Variants in CPQ observed in about 807,000 individuals in gnomAD.
CPQ encodes carboxypeptidase Q, also known as Ser-Met dipeptidase.
In CPQ, 37 loss-of-function variants were observed where a neutral mutation model predicts 45.7. The observed-to-expected ratio is 0.81, with a 90% confidence interval of 0.62 to 1.07. CPQ has a LOEUF of 1.07. Ranked by LOEUF, CPQ falls within the 50% of genes least tolerant of loss-of-function variation. The pLI, the probability that CPQ is intolerant of heterozygous loss-of-function variation, is 0.00. For missense variants in CPQ, 537 were observed against 572.9 expected, an observed-to-expected ratio of 0.94 and a Z score of 0.64; for synonymous variants, 186 against 205.8, an observed-to-expected ratio of 0.90 and a Z score of 0.82.
At chr8:96,956,125 T>C (rs2130346289) in intron 4 of CPQ, among the ~76,000 whole-genome samples, 1 of 152,324 alleles carries the variant, frequency 6.6e-6, no homozygotes, top group Middle Eastern at 3.4e-3. Flanking sequence ...AATCTACTTA[T>C]CTGACAAAGG....
intron 3 of CPQ, among the ~76,000 whole-genome samples, chr8:96,862,958 C>A (rs991134872): frequency 1.3e-5 from 2 of 152,050 alleles, no homozygotes; most frequent in African/African-American, 4.8e-5. Context: ...GATGAACTGG[C>A]AGGAGACTGA....
chr8:97,094,381 G>A (rs1456540141), intron 7 of CPQ, among the ~76,000 whole-genome samples: 1 of 152,094 alleles, frequency 6.6e-6, no homozygotes, highest in East Asian at 1.9e-4. Flanking sequence ...AACAGTTCAT[G>A]GCATGAGTTT....
intron 3 of CPQ, among the ~76,000 whole-genome samples, chr8:96,869,924 A>G (rs1179040364): frequency 6.6e-6 from 1 of 152,086 alleles, no homozygotes. Context: ...AAAATTCAAT[A>G]AACATCTTCA....
intron 1 of CPQ, among the ~76,000 whole-genome samples, chr8:96,673,065 G>C (rs1809028035): frequency 6.6e-6 from 1 of 152,118 alleles, no homozygotes; most frequent in South Asian, 2.1e-4. Flanking sequence ...CAGCAAAGAG[G>C]CTAGAGTGAC....
intron 1 of CPQ, among the ~76,000 whole-genome samples, chr8:96,704,286 A>C (rs1482332957): frequency 2.0e-5 from 3 of 152,276 alleles, no homozygotes; most frequent in African/African-American, 4.8e-5. Context: ...CTCATGACAA[A>C]TGTAGCTCTA....
chr8:96,855,092 C>A (rs900953638), intron 3 of CPQ, among the ~76,000 whole-genome samples: 1 of 152,110 alleles, frequency 6.6e-6, no homozygotes, highest in South Asian at 2.1e-4. Flanking sequence ...GAGGGTCAGC[C>A]TTTTTGTTCT....
At chr8:97,043,818 C>G (rs1349445605) in intron 6 of CPQ, among the ~76,000 whole-genome samples, 3 of 152,206 alleles carry the variant, frequency 2.0e-5, no homozygotes, top group East Asian at 3.8e-4. Flanking sequence ...GGCCCCCACT[C>G]TCTTCTGGCT....
At chr8:96,802,039 G>A (rs191569825) in intron 2 of CPQ, among the ~76,000 whole-genome samples, 95 of 152,088 alleles carry the variant, frequency 6.2e-4, no homozygotes, top group Non-Finnish European at 1.2e-3. Context: ...GCTTCTCTCT[G>A]TGTGTCTTTT....
Position 96,914,281 on chromosome 8 carries a change from G to T in CPQ, c.849+34276G>T, listed in dbSNP as rs554997248. 1.2e-4 allele frequency among the ~76,000 whole-genome samples: 19 copies of T among 152,074 alleles called. 1 individual carries two copies. The South Asian group carries it at 3.9e-3, about 32-fold the overall frequency. ...GGTGGTTACTACAAGCTAAATATGAGAAAAAAACAGTTTTGATTCATTCCT... is the reference window on the plus strand; with the variant it reads ...GGTGGTTACTACAAGCTAAATATGATAAAAAAACAGTTTTGATTCATTCCT... On this transcript the variant is annotated intron_variant, in intron 4 of 7. Transcript: ENST00000220763.
chr8:96,743,119 G>T (rs1810120038), intron 1 of CPQ, among the ~76,000 whole-genome samples: 1 of 152,158 alleles, frequency 6.6e-6, no homozygotes, highest in Non-Finnish European at 1.5e-5. Context: ...ACACCAATCA[G>T]ACGTAGATTT....
At chr8:96,950,568 T>A (rs1210768612) in intron 4 of CPQ, among the ~76,000 whole-genome samples, 1 of 152,148 alleles carries the variant, frequency 6.6e-6, no homozygotes, top group Non-Finnish European at 1.5e-5. Context: ...TTTCAAACTA[T>A]GCACCCTATC....
chr8:96,672,018 G>A (rs1224613248), intron 1 of CPQ, among the ~76,000 whole-genome samples: 1 of 152,126 alleles, frequency 6.6e-6, no homozygotes, highest in Non-Finnish European at 1.5e-5. Flanking sequence ...AAATAGATAA[G>A]TATTTCTCCT....
At chr8:97,011,691 T>C (rs1297683002) in intron 5 of CPQ, among the ~76,000 whole-genome samples, 2 of 152,228 alleles carry the variant, frequency 1.3e-5, no homozygotes, top group Non-Finnish European at 2.9e-5. Flanking sequence ...GATGACAATA[T>C]TACTTGCTTT....
intron 1 of CPQ, among the ~76,000 whole-genome samples, chr8:96,771,829 A>C (rs557085700): frequency 6.6e-6 from 1 of 151,990 alleles, no homozygotes; most frequent in Non-Finnish European, 1.5e-5. Context: ...TTCAGGTATC[A>C]CCTCCTATAT....
intron 4 of CPQ, among the ~76,000 whole-genome samples, chr8:96,920,083 CT>C (rs1476062408): frequency 1.3e-5 from 2 of 152,130 alleles, no homozygotes; most frequent in East Asian, 1.9e-4. Context: ...ATGTGGTAAG[CT>C]TTCAATAAGT....
In CPQ at chr8:96,750,947, C is replaced by G. The variant is rs575414958; in HGVS notation, c.-34-33917C>G. On this transcript the variant is annotated intron_variant, in intron 1 of 7. Coordinates refer to ENST00000220763, the MANE Select transcript of CPQ (RefSeq NM_016134.4). Reference sequence around the variant, plus strand: ...TAATGGCTTCCAGCTCCATCCATGTCCCTGCACAGGACATGATCTTATTCC... The same window carrying G: ...TAATGGCTTCCAGCTCCATCCATGTGCCTGCACAGGACATGATCTTATTCC... 1.6e-4 allele frequency among the ~76,000 whole-genome samples: 25 copies of G among 152,204 alleles called. No individual in the cohort carries two copies. The South Asian group carries it at 4.8e-3, about 29-fold the overall frequency.
intron 1 of CPQ, among the ~76,000 whole-genome samples, chr8:96,747,029 G>A (rs1222673916): frequency 2.0e-5 from 3 of 152,090 alleles, no homozygotes. Context: ...AGTGGCTCAC[G>A]CCTGTAATCC....
In CPQ at chr8:96,879,860, C is replaced by T. The variant is rs139595101; in HGVS notation, c.704C>T (p.Thr235Met). 3.2e-5 allele frequency: 52 copies of T among 1,613,828 alleles called. No individual in the cohort carries two copies. Among genetic ancestry groups the T allele is most frequent in the East Asian group, 6.7e-5 (3 of 44,864 alleles). The change falls in exon 4 of 8, where the codon ACG (threonine) becomes ATG (methionine). Residue 235 changes from threonine (T) to methionine (M), a missense_variant. Coordinates refer to ENST00000220763, the MANE Select transcript of CPQ (RefSeq NM_016134.4). The stretch of plus-strand genomic sequence containing the variant: ...CCCAAGATTCCAACAGCCTGTATTA[C>T]GGTGGAAGATGCAGAAATGATGTCA... ...GVPKIPTACI[T>M]VEDAEMMSRM...
intron 4 of CPQ, among the ~76,000 whole-genome samples, chr8:96,899,189 T>C (rs942891190): frequency 6.6e-6 from 1 of 152,096 alleles, no homozygotes; most frequent in Admixed American, 6.6e-5. Flanking sequence ...TATGAAGTGA[T>C]GGGAGAGTTT....
Sources: allele counts gnomAD v4.1 joint callset (sites outside exome capture counted in the v4.1 genomes callset), GRCh38; gene constraint gnomAD v4.1.1; transcripts MANE v1.5; gene names NCBI Gene and HGNC (gene_info 2026-07-23, HGNC 2026-07-21).